Variants in ERBB4 observed in about 807,000 individuals in gnomAD.
The protein encoded by ERBB4 is erb-b2 receptor tyrosine kinase 4, also known as receptor tyrosine-protein kinase erbB-4.
ERBB4 carries 42 observed loss-of-function variants against 158.0 expected under a neutral mutation model. The ratio of observed to expected loss-of-function variants is 0.27; its 90% confidence interval spans 0.21 to 0.34. ERBB4 has a LOEUF of 0.34. Ranked by LOEUF, ERBB4 falls within the 10% of genes least tolerant of loss-of-function variation. The pLI is 1.00. For synonymous variants in ERBB4, 583 were observed against 558.7 expected, an observed-to-expected ratio of 1.04 and a Z score of -0.61; for missense variants, 1,333 against 1,624.1, an observed-to-expected ratio of 0.82 and a Z score of 3.08.
At chr2:211,884,477 T>G (rs1340754867) in intron 3 of ERBB4, among the ~76,000 whole-genome samples, 1 of 152,036 alleles carries the variant, frequency 6.6e-6, no homozygotes, top group African/African-American at 2.4e-5. Flanking sequence ...TTCCCTAGGT[T>G]TTGTTCTTTT....
At chr2:211,852,493 C>A (rs2077742311) in intron 3 of ERBB4, among the ~76,000 whole-genome samples, 1 of 151,810 alleles carries the variant, frequency 6.6e-6, no homozygotes, top group Non-Finnish European at 1.5e-5. Flanking sequence ...TCAATTGGTT[C>A]TTGGAAACTG....
At chr2:212,220,968 A>T (rs1464081790) in intron 1 of ERBB4, among the ~76,000 whole-genome samples, 1 of 151,460 alleles carries the variant, frequency 6.6e-6, no homozygotes, top group Non-Finnish European at 1.5e-5. Flanking sequence ...TGTTCCATAT[A>T]TTTATTTGAA....
intron 20 of ERBB4, among the ~76,000 whole-genome samples, chr2:211,505,887 G>A (rs1297357578): frequency 2.7e-5 from 4 of 150,532 alleles, no homozygotes; most frequent in African/African-American, 7.3e-5. Flanking sequence ...ATGAACCTGG[G>A]AGGCAGAGCT....
In ERBB4 at chr2:212,254,981, A is replaced by G. The variant is rs113548426; in HGVS notation, c.83-130078T>C. On this transcript the variant is annotated intron_variant, in intron 1 of 27. Transcript: ENST00000342788. ...CCGAGTAAGGAGTAATTCATTCTAC[A>G]TTACATTATTTCACGGGTATAGTGT... is the stretch of plus-strand genomic sequence containing the variant. Among the ~76,000 whole-genome samples the G allele has an allele frequency of 4.8e-3, 734 of 152,334 alleles. 7 individuals are homozygous for G. The highest frequency in any genetic ancestry group is 0.017 in the Middle Eastern group (5 of 294).
At chr2:211,941,693 A>C (rs1186535437) in intron 3 of ERBB4, among the ~76,000 whole-genome samples, 4 of 150,228 alleles carry the variant, frequency 2.7e-5, no homozygotes, top group African/African-American at 4.9e-5. Context: ...AAGTAGTTAG[A>C]AGACACACTG....
chr2:211,963,201 G>C (rs767290623), intron 2 of ERBB4, among the ~76,000 whole-genome samples: 2 of 151,978 alleles, frequency 1.3e-5, no homozygotes, highest in African/African-American at 4.8e-5. Context: ...TGTCATCTTT[G>C]GTGAGGGGTG....
chr2:211,546,261 A>C (rs1404002560), intron 20 of ERBB4, among the ~76,000 whole-genome samples: 1 of 152,086 alleles, frequency 6.6e-6, no homozygotes, highest in East Asian at 1.9e-4. Flanking sequence ...TCAAAATATA[A>C]ATTATTCTTA....
intron 1 of ERBB4, among the ~76,000 whole-genome samples, chr2:212,216,009 G>A (rs2083087022): frequency 6.6e-6 from 1 of 151,156 alleles, no homozygotes; most frequent in East Asian, 1.9e-4. Flanking sequence ...ATTGATTTTT[G>A]GTCATAACAT....
intron 20 of ERBB4, among the ~76,000 whole-genome samples, chr2:211,561,496 TAGTG>T (rs1430205109): frequency 3.3e-5 from 5 of 152,194 alleles, no homozygotes; most frequent in Non-Finnish European, 7.3e-5. Flanking sequence ...TCATTTGTAA[TAGTG>T]AGAGTTAAAC....
chr2:211,942,842 T>A (rs1284576318), intron 3 of ERBB4, among the ~76,000 whole-genome samples: 1 of 152,138 alleles, frequency 6.6e-6, no homozygotes, highest in Non-Finnish European at 1.5e-5. Context: ...TCTCATAATT[T>A]ATAAAGTGAA....
intron 1 of ERBB4, among the ~76,000 whole-genome samples, chr2:212,423,345 AGT>A (rs1044985526): frequency 6.6e-6 from 1 of 152,234 alleles, no homozygotes; most frequent in African/African-American, 2.4e-5. Context: ...CAAAAGCTAC[AGT>A]GATTATCTGA....
At chr2:212,191,702 C>T (rs62647515) in intron 1 of ERBB4, among the ~76,000 whole-genome samples, 1 of 38,198 alleles carries the variant, frequency 2.6e-5, no homozygotes, top group Non-Finnish European at 6.1e-5. Context: ...ACATATAACA[C>T]GTGTTATACA....
rs77048334 is a variant in ERBB4, at chr2:212,351,791, A to C, written c.82+186658T>G. ...TGTATAAACATCTTCGTTGCTATGTATTATACTGAGATAATCATGTTGCTA... is the reference window on the plus strand; with the variant it reads ...TGTATAAACATCTTCGTTGCTATGTCTTATACTGAGATAATCATGTTGCTA... On this transcript the variant is annotated intron_variant, in intron 1 of 27. Coordinates refer to ENST00000342788, the MANE Select transcript of ERBB4 (RefSeq NM_005235.3). 4.1e-3 allele frequency among the ~76,000 whole-genome samples: 620 copies of C among 152,300 alleles called. 7 individuals are homozygous for C. Among genetic ancestry groups the C allele is most frequent in the Non-Finnish European group, 7.6e-3 (516 of 68,020 alleles).
intron 1 of ERBB4, among the ~76,000 whole-genome samples, chr2:212,215,035 C>A (rs2083056548): frequency 6.6e-6 from 1 of 151,404 alleles, no homozygotes; most frequent in African/African-American, 2.4e-5. Flanking sequence ...CCAAAACAGG[C>A]AAAGTTAACC....
At position 211,923,479 on chromosome 2, in the gene ERBB4, G is replaced by A. The variant is rs571264975; in HGVS notation, c.421+23951C>T. Among the ~76,000 whole-genome samples the A allele has an allele frequency of 2.0e-5, 3 of 152,258 alleles. No individual in the cohort carries two copies. The East Asian group carries it at 5.8e-4, about 29-fold the overall frequency. ...AAAACAGTGAATAGGTATGGGAAAAGTAAGAGCAATGAGACATAAATTGCT... is the reference window on the plus strand; with the variant it reads ...AAAACAGTGAATAGGTATGGGAAAAATAAGAGCAATGAGACATAAATTGCT... On this transcript the variant is annotated intron_variant, in intron 3 of 27. Coordinates refer to ENST00000342788, the MANE Select transcript of ERBB4 (RefSeq NM_005235.3).
chr2:211,948,784 C>A (rs1469004583), intron 2 of ERBB4, among the ~76,000 whole-genome samples: 2 of 152,050 alleles, frequency 1.3e-5, no homozygotes, highest in African/African-American at 4.8e-5. Context: ...GTACTTCCCC[C>A]CACCCTGTCT....
intron 25 of ERBB4, among the ~76,000 whole-genome samples, chr2:211,401,236 C>A (rs1179413565): frequency 1.3e-5 from 2 of 151,916 alleles, no homozygotes; most frequent in African/African-American, 4.8e-5. Flanking sequence ...AATAAATGAA[C>A]TGAATGATCT....
intron 3 of ERBB4, among the ~76,000 whole-genome samples, chr2:211,884,634 C>T (rs2078747256): frequency 6.6e-6 from 1 of 152,140 alleles, no homozygotes; most frequent in African/African-American, 2.4e-5. Flanking sequence ...CCACATGTAT[C>T]ATATTTATAG....
intron 1 of ERBB4, among the ~76,000 whole-genome samples, chr2:212,353,737 A>G (rs1034542015): frequency 2.0e-5 from 3 of 152,114 alleles, no homozygotes; most frequent in Non-Finnish European, 4.4e-5. Context: ...ATGAAACATC[A>G]GGCTGTAGAG....
Sources: allele counts gnomAD v4.1 joint callset (sites outside exome capture counted in the v4.1 genomes callset), GRCh38; gene constraint gnomAD v4.1.1; transcripts MANE v1.5; gene names NCBI Gene and HGNC (gene_info 2026-07-23, HGNC 2026-07-21).